Variants in MYH16 observed in about 807,000 individuals in gnomAD.
The protein encoded by MYH16 is myosin heavy chain 16.
At chr7:99,277,512 C>G in intron 20 of MYH16, 27 bp from the exon 3 acceptor site, 1 of 452,898 alleles carries the variant, frequency 2.2e-6, no homozygotes, top group South Asian at 1.6e-5. Context: ...ATTCTCCTAA[C>G]ACTCTTTGGT....
intron 19 of MYH16, 54 bp from the exon 2 acceptor site, chr7:99,273,288 G>A (rs894525247): frequency 4.4e-5 from 20 of 455,724 alleles, no homozygotes; most frequent in Middle Eastern, 3.2e-4. Flanking sequence ...CCCCAGGGAA[G>A]CCAGGTCCTA....
intron 2 of MYH16, among the ~76,000 whole-genome samples, chr7:99,245,517 T>C (rs1791717216): frequency 6.6e-6 from 1 of 152,074 alleles, no homozygotes; most frequent in Non-Finnish European, 1.5e-5. Flanking sequence ...ATGTAATTGG[T>C]TTTTCTGGGG....
At chr7:99,307,419 T>G (rs377094245), downstream of MYH16, among the ~76,000 whole-genome samples, 1 of 152,118 alleles carries the variant, frequency 6.6e-6, no homozygotes, top group African/African-American at 2.4e-5. Flanking sequence ...ATATTGGAGA[T>G]AAATATATAA....
At chr7:99,281,366 G>A (rs751900619) in intron 23 of MYH16, among the ~76,000 whole-genome samples, 64 of 151,808 alleles carry the variant, frequency 4.2e-4, no homozygotes, top group Non-Finnish European at 4.7e-4. Context: ...AGACCAGCCC[G>A]GGCAACATGG....
chr7:99,268,991 C>T (rs1209538762), intron 18 of MYH16, among the ~76,000 whole-genome samples: 2 of 152,120 alleles, frequency 1.3e-5, no homozygotes, highest in Non-Finnish European at 2.9e-5. Context: ...GCCTAGGTCC[C>T]CCAAAGGGAC....
intron 21 of MYH16, among the ~76,000 whole-genome samples, chr7:99,278,630 G>C (rs534929751): frequency 6.6e-6 from 1 of 152,296 alleles, no homozygotes; most frequent in African/African-American, 2.4e-5. Context: ...CAGTTTGGCA[G>C]ACATTTAGAG....
intron 20 of MYH16, among the ~76,000 whole-genome samples, chr7:99,274,640 C>T (rs1792087609): frequency 6.6e-6 from 1 of 151,504 alleles, no homozygotes; most frequent in Non-Finnish European, 1.5e-5. Flanking sequence ...CCGCCTGTTC[C>T]ATGACTCACC....
chr7:99,239,821 C>T (rs1013775851), intron 1 of MYH16, among the ~76,000 whole-genome samples: 1 of 152,100 alleles, frequency 6.6e-6, no homozygotes, highest in Non-Finnish European at 1.5e-5. Flanking sequence ...TTTACCAACC[C>T]ACCCTTCTCT....
At chr7:99,274,783 C>T (rs1792089447) in intron 20 of MYH16, among the ~76,000 whole-genome samples, 1 of 150,160 alleles carries the variant, frequency 6.7e-6, no homozygotes, top group Non-Finnish European at 1.5e-5. Context: ...AAGTTATTCT[C>T]CTGCCTCAGC....
At chr7:99,305,369 C>CT (rs1460430593) in intron 40 of MYH16, among the ~76,000 whole-genome samples, 7 of 152,248 alleles carry the variant, frequency 4.6e-5, no homozygotes, top group African/African-American at 1.4e-4. Context: ...TTCTCCTTGC[C>CT]TTTTTTTACT....
chr7:99,244,699 GA>G (rs140251439), intron 2 of MYH16, among the ~76,000 whole-genome samples: 4 of 152,336 alleles, frequency 2.6e-5, no homozygotes, highest in Non-Finnish European at 4.4e-5. Context: ...ATCTCTTGAA[GA>G]TATTTGCTAG....
downstream of MYH16, among the ~76,000 whole-genome samples, chr7:99,307,025 C>CTA (rs989425659): frequency 6.6e-6 from 1 of 152,188 alleles, no homozygotes; most frequent in African/African-American, 2.4e-5. Flanking sequence ...CTGCAAAACT[C>CTA]CTCTAGAGTG....
chr7:99,307,594 C>A (rs1287655919), downstream of MYH16, among the ~76,000 whole-genome samples: 1 of 151,672 alleles, frequency 6.6e-6, no homozygotes, highest in Non-Finnish European at 1.5e-5. Context: ...CATGGTGGTG[C>A]ACACCTGTAG....
chr7:99,247,556 G>A (rs1199789216), intron 2 of MYH16: 1 of 157,884 alleles, frequency 6.3e-6, no homozygotes, highest in Non-Finnish European at 1.4e-5. Flanking sequence ...GGTACCAGGA[G>A]GAAAAATCAG....
chr7:99,276,959 G>A (rs1316047387), intron 20 of MYH16, among the ~76,000 whole-genome samples: 1 of 151,876 alleles, frequency 6.6e-6, no homozygotes, highest in African/African-American at 2.4e-5. Context: ...GACAGAAACA[G>A]AAACACGGAG....
chr7:99,310,398 A>C (rs1474145793), downstream of MYH16, among the ~76,000 whole-genome samples: 1 of 152,240 alleles, frequency 6.6e-6, no homozygotes, highest in Non-Finnish European at 1.5e-5. Context: ...TTTCTTTGGA[A>C]GATGGTCACA....
intron 21 of MYH16, among the ~76,000 whole-genome samples, chr7:99,278,579 A>G (rs918417613): frequency 6.6e-6 from 1 of 152,154 alleles, no homozygotes; most frequent in Non-Finnish European, 1.5e-5. Context: ...CCGCCCTGTA[A>G]GACACTCGAT....
Position 99,299,990 on chromosome 7 carries a change from G to A in MYH16, n.4933+332G>A, listed in dbSNP as rs1236529878. 2.7e-5 allele frequency among the ~76,000 whole-genome samples: 4 copies of A among 145,888 alleles called. 1 individual carries two copies. The highest frequency in any genetic ancestry group is 6.0e-5 in the Non-Finnish European group (4 of 66,276). On this transcript the variant is annotated intron_variant and non_coding_transcript_variant, in intron 37 of 41. Coordinates refer to ENST00000439784, the Ensembl canonical transcript of MYH16. ...TTATTTATTTATTTGATGGAGTTTT[G>A]CTCTTGTCACCCAGGCTGGAGTGCA...
At chr7:99,283,088 A>C (rs1483269687) in intron 23 of MYH16, among the ~76,000 whole-genome samples, 1 of 152,078 alleles carries the variant, frequency 6.6e-6, no homozygotes, top group African/African-American at 2.4e-5. Flanking sequence ...GAAGCACCCC[A>C]CCTATTTCCC....
Sources: gnomAD v4.1 joint callset for allele counts (sites outside exome capture counted in the v4.1 genomes callset) on GRCh38, gnomAD v4.1.1 for gene constraint, MANE v1.5 for transcripts, NCBI Gene and HGNC (gene_info 2026-07-23, HGNC 2026-07-21) for gene names.